The following ATP6V1A variants were observed in gnomAD, a reference collection of about 807,000 sequenced individuals.
ATP6V1A encodes V-type proton ATPase catalytic subunit A.
A neutral mutation model predicts 70.1 loss-of-function variants in ATP6V1A; 18 were observed. The ratio of observed to expected loss-of-function variants is 0.26; its 90% CI spans 0.18 to 0.38. The LOEUF (loss-of-function observed/expected upper bound fraction) is 0.38. ATP6V1A is among the 10% of genes least tolerant of loss of function. The pLI is 1.00. For missense variants in ATP6V1A, 424 were observed against 772.4 expected, an observed-to-expected ratio of 0.55 and a Z score of 5.35; for synonymous variants, 232 against 253.8, an observed-to-expected ratio of 0.91 and a Z score of 0.82.
At chr3:113,775,513 AG>A (rs1245691862) in intron 1 of ATP6V1A, among the ~76,000 whole-genome samples, 1 of 152,198 alleles carries the variant, frequency 6.6e-6, no homozygotes, top group South Asian at 2.1e-4. Flanking sequence ...TATGGGCATG[AG>A]CCACTGCACC....
At chr3:113,802,070 G>T (rs998974775) in intron 12 of ATP6V1A, among the ~76,000 whole-genome samples, 1 of 152,184 alleles carries the variant, frequency 6.6e-6, no homozygotes, top group Non-Finnish European at 1.5e-5. Context: ...TAGGGCAATT[G>T]TAGAATTTAG....
chr3:113,768,196 T>G (rs2108017437), intron 1 of ATP6V1A, among the ~76,000 whole-genome samples: 1 of 152,334 alleles, frequency 6.6e-6, no homozygotes, highest in Admixed American at 6.5e-5. Flanking sequence ...GTTAGTCCAG[T>G]TTGCCATCTG....
intron 1 of ATP6V1A, among the ~76,000 whole-genome samples, chr3:113,748,238 A>G (rs1033048539): frequency 6.6e-6 from 1 of 152,244 alleles, no homozygotes. Flanking sequence ...GTCCAACCCA[A>G]GTACTCCCAT....
intron 3 of ATP6V1A, 147 bp from the exon 4 acceptor site, chr3:113,784,077 G>C (rs1709011476): frequency 1.4e-6 from 1 of 708,306 alleles, no homozygotes; most frequent in African/African-American, 1.8e-5. Context: ...AGAAGTTACT[G>C]AAAACACTAT....
chr3:113,809,421 A>AGGT lies in ATP6V1A; in HGVS notation c.1849_1850insGTG (p.Glu616_Asp617insGly). ...TGCAGAATGCATTCCGTAGCCTTGAAGATTAGAAGCCTTGAAGATTACAAC... is the reference window on the plus strand; with the variant it reads ...TGCAGAATGCATTCCGTAGCCTTGAAGGTGATTAGAAGCCTTGAAGATTACAAC... On this transcript the variant is annotated inframe_insertion, in exon 15 of 15. Transcript: ENST00000273398. 1 of 1,612,956 alleles carries AGGT rather than the reference A, an allele frequency of 6.2e-7. No individual in the cohort carries two copies. Among genetic ancestry groups the AGGT allele is most frequent in the South Asian group, 1.1e-5 (1 of 91,054 alleles).
Position 113,805,469 on chromosome 3 carries a change from A to G in ATP6V1A, c.1705A>G (p.Ile569Val), listed in dbSNP as rs1159395947. ...AQSDNKITWS[I>V]IREHMGDILY... ...GAGTGACAATAAAATCACATGGTCC[A>G]TTATTCGTGAGCACATGGGAGACAT... Residue 569 changes from isoleucine to valine, a missense_variant, in exon 14 of 15, where the codon ATT becomes GTT. This residue lies in a region of ATP6V1A where 127 missense variants were observed against 207.9 expected (regional missense o/e 0.61). Coordinates refer to ENST00000273398, the MANE Select transcript of ATP6V1A (RefSeq NM_001690.4). 4.3e-6 allele frequency: 7 copies of G among 1,613,928 alleles called. No individual in the cohort carries two copies. Among genetic ancestry groups the G allele is most frequent in the Non-Finnish European group, 5.9e-6 (7 of 1,179,874 alleles).
intron 7 of ATP6V1A, 59 bp from the exon 8 acceptor site, chr3:113,789,673 G>T: frequency 1.5e-6 from 2 of 1,300,458 alleles, no homozygotes; most frequent in South Asian, 1.3e-5. Context: ...AGAAAAATAG[G>T]GAGGGCTAAA....
At chr3:113,787,278 G>C (rs1210092380) in intron 6 of ATP6V1A, among the ~76,000 whole-genome samples, 1 of 152,128 alleles carries the variant, frequency 6.6e-6, no homozygotes, top group South Asian at 2.1e-4. Flanking sequence ...CGGGATCCAG[G>C]GGATCAGTTT....
chr3:113,747,204 T>G (rs1708532945), intron 1 of ATP6V1A, 91 bp downstream of exon 1: 1 of 152,198 alleles, frequency 6.6e-6, no homozygotes, highest in Admixed American at 6.6e-5. Flanking sequence ...GAACGGCGAC[T>G]TTTCTGCCTG....
At chr3:113,766,151 C>G (rs1708767920) in intron 1 of ATP6V1A, among the ~76,000 whole-genome samples, 1 of 152,122 alleles carries the variant, frequency 6.6e-6, no homozygotes, top group Non-Finnish European at 1.5e-5. Flanking sequence ...TTCTCATAGT[C>G]TGGAGTGTGG....
intron 1 of ATP6V1A, among the ~76,000 whole-genome samples, chr3:113,777,039 T>C (rs1708922069): frequency 6.6e-6 from 1 of 152,246 alleles, no homozygotes; most frequent in Admixed American, 6.5e-5. Context: ...TCTATGACTC[T>C]TTGTGGTTAA....
At chr3:113,805,658 T>A in intron 14 of ATP6V1A, 133 bp downstream of exon 14, 1 of 892,216 alleles carries the variant, frequency 1.1e-6, no homozygotes, top group Non-Finnish European at 1.7e-6. Flanking sequence ...AACCTCTGCC[T>A]CCTGGGTTCA....
At chr3:113,808,469 T>C (rs1016962185) in intron 14 of ATP6V1A, among the ~76,000 whole-genome samples, 4 of 151,786 alleles carry the variant, frequency 2.6e-5, no homozygotes, top group Non-Finnish European at 5.9e-5. Context: ...TTTTTTTGTA[T>C]TTTTAGTAGA....
At chr3:113,776,537 C>T (rs1434128314) in intron 1 of ATP6V1A, among the ~76,000 whole-genome samples, 1 of 152,190 alleles carries the variant, frequency 6.6e-6, no homozygotes, top group Non-Finnish European at 1.5e-5. Context: ...CTATTTAAAG[C>T]TTCAAAAGCT....
chr3:113,766,176 A>C lies in ATP6V1A; in HGVS notation c.-13-12565A>C, dbSNP rs544437365. ...CTGGAGTGTGGGAAGTCCGAGGTCAAGGTGCCTATAGATCCTGTGTCTGGT... is the reference window on the plus strand; with the variant it reads ...CTGGAGTGTGGGAAGTCCGAGGTCACGGTGCCTATAGATCCTGTGTCTGGT... On this transcript the variant is annotated intron_variant, in intron 1 of 14. Coordinates refer to ENST00000273398, the MANE Select transcript of ATP6V1A (RefSeq NM_001690.4). Among the ~76,000 whole-genome samples, 4 of 152,310 alleles carry C rather than the reference A, an allele frequency of 2.6e-5. No homozygotes were observed. The East Asian group carries it at 7.7e-4, about 29-fold the overall frequency.
chr3:113,801,736 C>T (rs919968877), intron 12 of ATP6V1A, among the ~76,000 whole-genome samples: 1 of 152,098 alleles, frequency 6.6e-6, no homozygotes, highest in Non-Finnish European at 1.5e-5. Flanking sequence ...TGTTGCACAG[C>T]AGCATGGGTG....
intron 1 of ATP6V1A, among the ~76,000 whole-genome samples, chr3:113,761,187 C>G (rs971014411): frequency 7.9e-5 from 12 of 151,766 alleles, no homozygotes; most frequent in African/African-American, 2.9e-4. Context: ...CGTGATCCTC[C>G]CACCTCAGCT....
intron 3 of ATP6V1A, among the ~76,000 whole-genome samples, chr3:113,782,601 T>TATAC (rs1708991692): frequency 6.8e-6 from 1 of 147,038 alleles, no homozygotes; most frequent in African/African-American, 2.5e-5. Context: ...TATATATATA[T>TATAC]ACATATATAT....
chr3:113,809,270 A>C, intron 14 of ATP6V1A, 65 bp from the exon 15 acceptor site: 2 of 1,414,786 alleles, frequency 1.4e-6, no homozygotes, highest in Admixed American at 2.0e-5. Flanking sequence ...AAAAAAAAGT[A>C]ACTTAACATA....
Sources: gnomAD v4.1 joint callset for allele counts (sites outside exome capture counted in the v4.1 genomes callset) on GRCh38, gnomAD v4.1.1 for gene constraint, gnomAD v4.1.1 regional missense constraint, MANE v1.5 for transcripts, NCBI Gene and HGNC (gene_info 2026-07-23, HGNC 2026-07-21) for gene names.